The following NEK1 variants were observed in gnomAD, a reference collection of about 807,000 sequenced individuals.
The protein encoded by NEK1 is NIMA related kinase 1, also known as serine/threonine-protein kinase Nek1.
In NEK1, 137 loss-of-function variants were observed where a neutral mutation model predicts 182.1. The ratio of observed to expected loss-of-function variants is 0.75; its 90% CI spans 0.65 to 0.87. The LOEUF (loss-of-function observed/expected upper bound fraction) is 0.87, where lower values mean the gene tolerates loss of function less well. NEK1 is among the 40% of genes least tolerant of loss of function. NEK1 has a pLI of 0.00. For missense variants in NEK1, 1,391 were observed against 1,494.4 expected (o/e 0.93, Z 1.14); for synonymous variants, 513 against 492.2 (o/e 1.04, Z -0.56).
chr4:169,445,234 C>T (rs1326031988), intron 27 of NEK1, among the ~76,000 whole-genome samples: 1 of 151,944 alleles, frequency 6.6e-6, no homozygotes, highest in Non-Finnish European at 1.5e-5. Context: ...GCCTGGGCAA[C>T]AAAGTGAGAC....
At chr4:169,453,415 C>T (rs2149474250) in intron 27 of NEK1, among the ~76,000 whole-genome samples, 1 of 152,344 alleles carries the variant, frequency 6.6e-6, no homozygotes, top group South Asian at 2.1e-4. Flanking sequence ...TCAAACTATA[C>T]TACAATGTTG....
rs1244928420 is a variant in NEK1 at position 169,424,654 on chromosome 4, A to G, written c.3121T>C (p.Phe1041Leu). The part of the protein sequence containing the change: ...QSVQCSPEES[F>L]AFRSHSHLPP... ...AAATGCGAGTGAGATCGAAATGCAA[A>G]GGATTCTTCTGGTGAACACTGAACT... is the stretch of plus-strand genomic sequence containing the variant. Residue 1041 changes from phenylalanine (F) to leucine (L), a missense_variant, in exon 31 of 36, where the codon TTT becomes CTT. Phe to Leu is a conservative substitution (Grantham distance 22, BLOSUM62 0). Around this residue, in one of 5 missense-constraint regions of NEK1, gnomAD observed 1,216 missense variants for 1,277.6 expected, o/e 0.95. Coordinates refer to ENST00000507142, the MANE Select transcript of NEK1 (RefSeq NM_001199397.3). The G allele has an allele frequency of 6.2e-7, 1 of 1,613,664 alleles. No individual in the cohort carries two copies. The highest frequency in any genetic ancestry group is 1.7e-5 in the Admixed American group (1 of 59,992).
In NEK1 at chr4:169,491,162, A is replaced by AAAAAAGAG. The variant is rs1554047307; in HGVS notation, c.2008-11629_2008-11628insCTCTTTTT. Among the ~76,000 whole-genome samples, 7 of 122,832 alleles carry AAAAAAGAG rather than the reference A, an allele frequency of 5.7e-5. 1 individual carries two copies. The highest frequency in any genetic ancestry group is 5.2e-4 in the South Asian group (2 of 3,862). The allele number at this position is 122,832 out of a possible 152,430, so 80.6% of individuals were successfully genotyped here. ...AAAAAAAAAAAAAAAAAAAAAAAAA[A>AAAAAAGAG]AGAGAGATGGAGAAAGGCACAGAAG... On this transcript the variant is annotated intron_variant, in intron 23 of 35. Coordinates refer to ENST00000507142, the MANE Select transcript of NEK1 (RefSeq NM_001199397.3).
chr4:169,581,007 C>G, intron 10 of NEK1, 105 bp from the exon 11 acceptor site: 1 of 434,334 alleles, frequency 2.3e-6, no homozygotes, highest in South Asian at 2.9e-5. Context: ...AGTAATTATG[C>G]TGCCAAATAA....
chr4:169,580,216 A>C (rs76222020), intron 11 of NEK1, among the ~76,000 whole-genome samples: 2 of 152,070 alleles, frequency 1.3e-5, no homozygotes, highest in Admixed American at 6.5e-5. Flanking sequence ...ATATTTTACA[A>C]CTGGGTGCGG....
chr4:169,480,825 G>T (rs1397239863), intron 23 of NEK1, among the ~76,000 whole-genome samples: 1 of 152,070 alleles, frequency 6.6e-6, no homozygotes, highest in Non-Finnish European at 1.5e-5. Flanking sequence ...TGACTGTCCT[G>T]ACTCAGTCTC....
At chr4:169,437,552 T>C (rs1470846947) in intron 28 of NEK1, among the ~76,000 whole-genome samples, 1 of 152,180 alleles carries the variant, frequency 6.6e-6, no homozygotes, top group African/African-American at 2.4e-5. Context: ...GCAGAAGTGA[T>C]ACTGTGCTAG....
intron 2 of NEK1, among the ~76,000 whole-genome samples, chr4:169,607,225 T>TG (rs1771502120): frequency 6.6e-6 from 1 of 152,252 alleles, no homozygotes; most frequent in African/African-American, 2.4e-5. Flanking sequence ...ACAAGATACA[T>TG]GTTTCAGAGT....
chr4:169,485,085 T>C (rs915554218), intron 23 of NEK1, among the ~76,000 whole-genome samples: 2 of 152,188 alleles, frequency 1.3e-5, no homozygotes, highest in African/African-American at 2.4e-5. Context: ...GATCAGAAAT[T>C]AAAATTTGAG....
rs35763578 is a variant in NEK1 at position 169,562,154 on chromosome 4, T to G, written c.1063A>C (p.Arg355=). ...PEKRVNTGEE[R]RKISEEAARK... is the part of the protein sequence containing the mutation. Reference sequence around the variant, plus strand: ...CTTTATACCTCAGATATTTTCCTCCTTTCTTCTCCAGTATTCACTCTCTTC... The same window carrying G: ...CTTTATACCTCAGATATTTTCCTCCGTTCTTCTCCAGTATTCACTCTCTTC... Residue 355 remains arginine, a synonymous_variant, in exon 13 of 36, where the codon AGG becomes CGG. Transcript: ENST00000507142. The G allele has an allele frequency of 1.9e-6, 3 of 1,546,482 alleles. No individual in the cohort carries two copies. The highest frequency in any genetic ancestry group is 2.6e-6 in the Non-Finnish European group (3 of 1,143,098).
chr4:169,501,440 A>G (rs939758835), intron 23 of NEK1, among the ~76,000 whole-genome samples: 1 of 152,214 alleles, frequency 6.6e-6, no homozygotes, highest in Non-Finnish European at 1.5e-5. Flanking sequence ...ACAACCACAG[A>G]ATATACATTC....
chr4:169,576,783 G>C, intron 12 of NEK1, 145 bp downstream of exon 12: 1 of 718,872 alleles, frequency 1.4e-6, no homozygotes, highest in Non-Finnish European at 2.2e-6. Context: ...CTCAGTTTTA[G>C]AGGACTGGTA....
At chr4:169,530,995 T>A (rs1757587320) in intron 19 of NEK1, among the ~76,000 whole-genome samples, 1 of 150,648 alleles carries the variant, frequency 6.6e-6, no homozygotes, top group Non-Finnish European at 1.5e-5. Context: ...AGTCATCTGG[T>A]AGAATTATCA....
intron 27 of NEK1, among the ~76,000 whole-genome samples, chr4:169,454,810 C>G (rs1339958191): frequency 6.6e-6 from 1 of 152,098 alleles, no homozygotes; most frequent in Non-Finnish European, 1.5e-5. Context: ...ACCATTTGAC[C>G]CAGAAATCCC....
intron 19 of NEK1, among the ~76,000 whole-genome samples, chr4:169,524,267 C>T (rs1204155211): frequency 6.6e-6 from 1 of 152,008 alleles, no homozygotes; most frequent in Non-Finnish European, 1.5e-5. Flanking sequence ...GTGTTTGGGG[C>T]CAGCCTGACC....
At position 169,449,655 on chromosome 4, in the gene NEK1, C is replaced by T. The variant is rs1741319717; in HGVS notation, c.2588-11396G>A. Among the ~76,000 whole-genome samples the T allele has an allele frequency of 3.9e-5, 6 of 152,220 alleles. No homozygotes were observed. In the South Asian group the frequency reaches 1.2e-3, roughly 32 times the overall value. ...ACATCAACAAAAAGGTAATCTACAC[C>T]AAAACCCCACCTGGAGGTCACCAAC... On this transcript the variant is annotated intron_variant, in intron 27 of 35. Coordinates refer to ENST00000507142, the MANE Select transcript of NEK1 (RefSeq NM_001199397.3).
chr4:169,518,122 A>C (rs1365144541), intron 19 of NEK1, among the ~76,000 whole-genome samples: 1 of 37,326 alleles, frequency 2.7e-5, no homozygotes, highest in Non-Finnish European at 4.3e-5. Context: ...TCGGCTATGA[A>C]TCCATCTGGT....
At chr4:169,496,764 A>G (rs1169639177) in intron 23 of NEK1, among the ~76,000 whole-genome samples, 3 of 152,120 alleles carry the variant, frequency 2.0e-5, no homozygotes, top group Non-Finnish European at 2.9e-5. Flanking sequence ...CCACTTGATC[A>G]TGGTGGATAA....
At chr4:169,405,055 G>A (rs1732356814) in intron 32 of NEK1, among the ~76,000 whole-genome samples, 1 of 152,202 alleles carries the variant, frequency 6.6e-6, no homozygotes, top group African/African-American at 2.4e-5. Flanking sequence ...ATGGCAAGAG[G>A]TAGATGTGGA....
Sources: gnomAD v4.1 joint callset for allele counts (sites outside exome capture counted in the v4.1 genomes callset) on GRCh38, gnomAD v4.1.1 for gene constraint, gnomAD v4.1.1 regional missense constraint, MANE v1.5 for transcripts, NCBI Gene and HGNC (gene_info 2026-07-23, HGNC 2026-07-21) for gene names.